Variants in DOCK3 observed in about 807,000 individuals in gnomAD.
DOCK3 encodes the protein dedicator of cytokinesis 3.
In DOCK3, 60 loss-of-function variants were observed where a neutral mutation model predicts 265.6. That is an observed-to-expected ratio of 0.23 (90% CI 0.18 to 0.28). The LOEUF (loss-of-function observed/expected upper bound fraction) is 0.28. DOCK3 is among the 10% of genes least tolerant of loss of function. The pLI is 1.00. For missense variants in DOCK3, 1,981 were observed against 2,594.3 expected (o/e 0.76, Z 5.14); for synonymous variants, 881 against 938.0 (o/e 0.94, Z 1.11).
intron 5 of DOCK3, among the ~76,000 whole-genome samples, chr3:51,029,497 C>T (rs990320002): frequency 6.6e-6 from 1 of 152,218 alleles, no homozygotes; most frequent in African/African-American, 2.4e-5. Context: ...TCTGCCATGT[C>T]TGCAACAGTG....
intron 4 of DOCK3, among the ~76,000 whole-genome samples, chr3:50,897,206 T>C (rs1372537764): frequency 6.6e-6 from 1 of 152,210 alleles, no homozygotes; most frequent in Non-Finnish European, 1.5e-5. Flanking sequence ...TTCACATCCC[T>C]TGTAAGTTGT....
chr3:51,080,070 C>T (rs1348610940), intron 7 of DOCK3, among the ~76,000 whole-genome samples: 1 of 152,172 alleles, frequency 6.6e-6, no homozygotes, highest in East Asian at 1.9e-4. Context: ...ATTGTATATG[C>T]TTCATCCTTT....
At chr3:50,818,546 G>T (rs1485137302) in intron 2 of DOCK3, among the ~76,000 whole-genome samples, 2 of 152,206 alleles carry the variant, frequency 1.3e-5, no homozygotes, top group African/African-American at 2.4e-5. Context: ...TACAAGAAGT[G>T]CATGTCAGCT....
rs1553619834 is a variant in DOCK3, at chr3:51,383,670, GAC to G, written c.*2115_*2116del. On this transcript the variant is annotated 3_prime_UTR_variant, in exon 53 of 53. Coordinates refer to ENST00000266037, the MANE Select transcript of DOCK3 (RefSeq NM_004947.5). ...CCATTTTCCCTAACTAAATGAAAAG[GAC>G]ACATTCTGAAATCCCTTTTGTTGGA... 1 of 152,472 alleles carries G rather than the reference GAC, an allele frequency of 6.6e-6. No homozygotes were observed. Among genetic ancestry groups the G allele is most frequent in the Non-Finnish European group, 1.5e-5 (1 of 68,046 alleles). The allele number at this position is 152,472 out of a possible 1,614,324, so 9.4% of individuals were successfully genotyped here.
At chr3:51,295,456 G>A (rs929970599) in intron 27 of DOCK3, among the ~76,000 whole-genome samples, 1 of 152,122 alleles carries the variant, frequency 6.6e-6, no homozygotes, top group Non-Finnish European at 1.5e-5. Context: ...CTCCCATTAT[G>A]TTCTACCTCC....
Position 50,900,947 on chromosome 3 carries a change from G to A in DOCK3, c.218+10866G>A, listed in dbSNP as rs759178981. ...GAGGTGTCTCCTAGTCAGGAGGCACGGGGGTCAGGGACCCACCTGAGGAAG... is the reference window on the plus strand; with the variant it reads ...GAGGTGTCTCCTAGTCAGGAGGCACAGGGGTCAGGGACCCACCTGAGGAAG... On this transcript the variant is annotated intron_variant, in intron 4 of 52. Coordinates refer to ENST00000266037, the MANE Select transcript of DOCK3 (RefSeq NM_004947.5). The A allele has an allele frequency of 2.0e-4, 84 of 425,244 alleles. 1 individual carries two copies. Among genetic ancestry groups the A allele is most frequent in the South Asian group, 1.4e-3 (81 of 58,516 alleles). 26.3% of individuals were successfully genotyped at this position (425,244 alleles called of 1,614,324 possible).
intron 3 of DOCK3, among the ~76,000 whole-genome samples, chr3:50,847,770 A>G (rs1183955506): frequency 6.6e-6 from 1 of 150,744 alleles, no homozygotes; most frequent in Non-Finnish European, 1.5e-5. Flanking sequence ...TGTAGTCCCA[A>G]TTACTCAGGA....
chr3:50,949,960 A>AT (rs1454628791), intron 5 of DOCK3, among the ~76,000 whole-genome samples: 5 of 147,024 alleles, frequency 3.4e-5, no homozygotes, highest in East Asian at 2.0e-4. Flanking sequence ...GGTTTATCCA[A>AT]TTTTTTTCCA....
chr3:50,908,300 C>G lies in DOCK3; in HGVS notation c.218+18219C>G, dbSNP rs1168700141. ...TTTCTTTGCTCTTGATTCTACAGTT[C>G]TTTTAGTTGTGATGTTAGGCTGCTC... On this transcript the variant is annotated intron_variant, in intron 4 of 52. Coordinates refer to ENST00000266037, the MANE Select transcript of DOCK3 (RefSeq NM_004947.5). 3.5e-5 allele frequency among the ~76,000 whole-genome samples: 5 copies of G among 142,282 alleles called. No homozygotes were observed. In the East Asian group the frequency reaches 6.2e-4, roughly 18 times the overall value. The allele number at this position is 142,282 out of a possible 152,430, so 93.3% of individuals were successfully genotyped here. A position where few individuals can be genotyped will look rare whatever the true frequency, so the allele number is the denominator to read the frequency against.
At position 51,357,948 on chromosome 3, in the gene DOCK3, G is replaced by T. The variant is rs2110299175; in HGVS notation, c.4768-13G>T. On this transcript the variant is annotated splice_polypyrimidine_tract_variant and intron_variant, in intron 45 of 52. Transcript: ENST00000266037. ...CATGGTTCACAGAGTGGCCTTGTTT[G>T]TGACTCTGATAGGTTCATGTCCTTG... 1.9e-6 allele frequency: 3 copies of T among 1,613,996 alleles called. No individual in the cohort carries two copies. The East Asian group carries it at 6.7e-5, about 36-fold the overall frequency.
chr3:51,013,434 T>C (rs1191284275), intron 5 of DOCK3, among the ~76,000 whole-genome samples: 1 of 152,230 alleles, frequency 6.6e-6, no homozygotes, highest in Non-Finnish European at 1.5e-5. Flanking sequence ...TTGGAGTTTT[T>C]TGGAGGTCCA....
At chr3:51,149,277 A>G (rs373221266) in intron 10 of DOCK3, among the ~76,000 whole-genome samples, 1 of 152,212 alleles carries the variant, frequency 6.6e-6, no homozygotes, top group Non-Finnish European at 1.5e-5. Context: ...CAATCATGTC[A>G]TCTGCAAACA....
At chr3:51,045,730 T>C (rs1302727508) in intron 5 of DOCK3, among the ~76,000 whole-genome samples, 1 of 152,220 alleles carries the variant, frequency 6.6e-6, no homozygotes, top group African/African-American at 2.4e-5. Flanking sequence ...CTTTTGTTTG[T>C]AGAATTTCTT....
At chr3:50,948,359 C>T (rs2076493542) in intron 5 of DOCK3, among the ~76,000 whole-genome samples, 1 of 147,408 alleles carries the variant, frequency 6.8e-6, no homozygotes, top group African/African-American at 2.5e-5. Flanking sequence ...CTGGCCTCTG[C>T]AGATATTTTT....
At chr3:50,856,195 A>G (rs2046588868) in intron 3 of DOCK3, among the ~76,000 whole-genome samples, 1 of 152,226 alleles carries the variant, frequency 6.6e-6, no homozygotes, top group South Asian at 2.1e-4. Context: ...CTTTGGGTAT[A>G]TACCCAGTAA....
intron 12 of DOCK3, among the ~76,000 whole-genome samples, chr3:51,188,176 C>T (rs551509336): frequency 6.6e-6 from 1 of 152,128 alleles, no homozygotes; most frequent in Non-Finnish European, 1.5e-5. Context: ...AAAATTTCTT[C>T]ATGAGATGCC....
At chr3:50,921,650 C>T (rs2050475958) in intron 4 of DOCK3, among the ~76,000 whole-genome samples, 1 of 152,040 alleles carries the variant, frequency 6.6e-6, no homozygotes, top group African/African-American at 2.4e-5. Flanking sequence ...TTAGAATTTT[C>T]AGCTTTTCTG....
rs571896872 is a variant in DOCK3 at position 51,133,810 on chromosome 3, C to A, written c.747-12739C>A. 6.9e-4 allele frequency among the ~76,000 whole-genome samples: 105 copies of A among 152,124 alleles called. 1 individual carries two copies. The Middle Eastern group carries it at 0.017, about 25-fold the overall frequency. ...GTCAGGCTGAATTTATTGATTTGGG[C>A]CCACTAAGAGGGAAGGGTGCAGGAT... On this transcript the variant is annotated intron_variant, in intron 9 of 52. Coordinates refer to ENST00000266037, the MANE Select transcript of DOCK3 (RefSeq NM_004947.5).
chr3:51,029,967 C>CGGG, intron 5 of DOCK3, among the ~76,000 whole-genome samples: 1 of 143,648 alleles, frequency 7.0e-6, no homozygotes, highest in African/African-American at 2.6e-5. Context: ...CCCTGGGACA[C>CGGG]GGGGTCGGGG....
Sources: allele counts gnomAD v4.1 joint callset (sites outside exome capture counted in the v4.1 genomes callset), GRCh38; gene constraint gnomAD v4.1.1; transcripts MANE v1.5; gene names NCBI Gene and HGNC (gene_info 2026-07-23, HGNC 2026-07-21).